Variants in TPD52L1 observed in about 807,000 individuals in gnomAD.
The protein encoded by TPD52L1 is TPD52 like 1.
Under a neutral mutation model 28.7 loss-of-function variants are expected in TPD52L1, and 18 were observed. That is an observed-to-expected ratio of 0.63 (90% CI 0.43 to 0.93). TPD52L1 has a LOEUF of 0.93. TPD52L1 is among the 40% of genes least tolerant of loss of function. TPD52L1 has a pLI of 0.00. For missense variants in TPD52L1, 203 were observed against 254.8 expected (o/e 0.80, Z 1.39); for synonymous variants, 75 against 88.8 (o/e 0.84, Z 0.88).
chr6:125,238,483 G>A (rs963125245), intron 3 of TPD52L1, among the ~76,000 whole-genome samples: 1 of 152,102 alleles, frequency 6.6e-6, no homozygotes, highest in Non-Finnish European at 1.5e-5. Flanking sequence ...TACCCAAGGT[G>A]TAGTCTTTTA....
intron 4 of TPD52L1, chr6:125,251,897 A>G (rs1797290998): frequency 2.2e-6 from 2 of 902,666 alleles, no homozygotes; most frequent in African/African-American, 3.3e-5. Context: ...AGAGTGGTAA[A>G]TGAAGCTACC....
At chr6:125,157,240 G>C (rs1790199255) in intron 1 of TPD52L1, among the ~76,000 whole-genome samples, 1 of 152,210 alleles carries the variant, frequency 6.6e-6, no homozygotes, top group Non-Finnish European at 1.5e-5. Context: ...AGTTGCTGAT[G>C]AGTTGTACCT....
intron 3 of TPD52L1, among the ~76,000 whole-genome samples, chr6:125,231,673 G>A (rs1285969195): frequency 6.6e-6 from 1 of 152,016 alleles, no homozygotes; most frequent in African/African-American, 2.4e-5. Flanking sequence ...TGGACAAGGG[G>A]GATAGAAAGG....
intron 4 of TPD52L1, chr6:125,252,055 C>T (rs931011524): frequency 5.2e-6 from 8 of 1,535,932 alleles, no homozygotes; most frequent in South Asian, 4.8e-5. Context: ...CACAGGGCTG[C>T]GTGTGGGGCT....
chr6:125,252,043 G>T, intron 4 of TPD52L1: 1 of 1,536,018 alleles, frequency 6.5e-7, no homozygotes, highest in Non-Finnish European at 8.7e-7. Flanking sequence ...TCGGGTAAGC[G>T]CCACAGGGCT....
chr6:125,154,841 G>T (rs1033392767), intron 1 of TPD52L1, among the ~76,000 whole-genome samples: 109 of 152,248 alleles, frequency 7.2e-4, no homozygotes, highest in Non-Finnish European at 1.3e-3. Flanking sequence ...GGGATGGCTT[G>T]CGGAGTTCAG....
intron 1 of TPD52L1, among the ~76,000 whole-genome samples, chr6:125,182,269 G>A (rs1031454721): frequency 2.0e-5 from 3 of 152,222 alleles, no homozygotes; most frequent in African/African-American, 7.2e-5. Context: ...AGCATGTAGA[G>A]CCCAGGGAAA....
chr6:125,173,083 T>A (rs1330816966), intron 1 of TPD52L1, among the ~76,000 whole-genome samples: 1 of 152,184 alleles, frequency 6.6e-6, no homozygotes, highest in Non-Finnish European at 1.5e-5. Context: ...AATATTGCAA[T>A]TGAATGTAAC....
chr6:125,173,595 C>T (rs1421029761), intron 1 of TPD52L1, among the ~76,000 whole-genome samples: 1 of 152,200 alleles, frequency 6.6e-6, no homozygotes, highest in South Asian at 2.1e-4. Context: ...GAGATCCTGC[C>T]CAGCTCGTTC....
chr6:125,232,393 G>C (rs1170367159), intron 3 of TPD52L1, among the ~76,000 whole-genome samples: 3 of 152,130 alleles, frequency 2.0e-5, no homozygotes, highest in African/African-American at 7.2e-5. Context: ...GATAAAATCT[G>C]TATCCCTCTG....
At chr6:125,197,856 T>C (rs1582908704) in intron 1 of TPD52L1, among the ~76,000 whole-genome samples, 1 of 151,900 alleles carries the variant, frequency 6.6e-6, no homozygotes. Context: ...TACAACAGGG[T>C]GTGATTAATA....
In TPD52L1 at chr6:125,214,870, C is replaced by A. The variant is rs78604330; in HGVS notation, c.20-5208C>A. 9.3e-3 allele frequency among the ~76,000 whole-genome samples: 1,416 copies of A among 152,242 alleles called. 14 individuals are homozygous for A. Among genetic ancestry groups the A allele is most frequent in the Non-Finnish European group, 0.012 (812 of 68,012 alleles). Reference sequence around the variant, plus strand: ...AACATCATTTAACCTTAGCAACAATCCTACAAGGTATCCATTTTACAGATG... The same window carrying A: ...AACATCATTTAACCTTAGCAACAATACTACAAGGTATCCATTTTACAGATG... On this transcript the variant is annotated intron_variant, in intron 1 of 6. Coordinates refer to ENST00000534000, the MANE Select transcript of TPD52L1 (RefSeq NM_003287.4).
intron 1 of TPD52L1, among the ~76,000 whole-genome samples, chr6:125,180,300 G>C (rs1792102425): frequency 6.6e-6 from 1 of 152,080 alleles, no homozygotes; most frequent in South Asian, 2.1e-4. Flanking sequence ...GGAAGCGAAG[G>C]AAGATAGGAA....
intron 4 of TPD52L1, among the ~76,000 whole-genome samples, chr6:125,250,727 A>G (rs1797215886): frequency 6.6e-6 from 1 of 152,216 alleles, no homozygotes; most frequent in Non-Finnish European, 1.5e-5. Flanking sequence ...TCAAGGTTGT[A>G]TTGACTGCCT....
rs1274264832 is a variant in TPD52L1 at position 125,172,604 on chromosome 6, T to A, written c.19+18634T>A. Among the ~76,000 whole-genome samples the A allele has an allele frequency of 2.2e-3, 274 of 122,996 alleles. 4 individuals are homozygous for A. Among genetic ancestry groups the A allele is most frequent in the African/African-American group, 8.5e-3 (257 of 30,122 alleles). 80.7% of individuals were successfully genotyped at this position (122,996 alleles called of 152,430 possible). On this transcript the variant is annotated intron_variant, in intron 1 of 6. Coordinates refer to ENST00000534000, the MANE Select transcript of TPD52L1 (RefSeq NM_003287.4). Reference sequence around the variant, plus strand: ...AGGTATATATATACAATTATATATATAAATATATATAATTATATATATATA... The same window carrying A: ...AGGTATATATATACAATTATATATAAAAATATATATAATTATATATATATA...
chr6:125,233,119 C>G (rs1221060122), intron 3 of TPD52L1, among the ~76,000 whole-genome samples: 1 of 152,090 alleles, frequency 6.6e-6, no homozygotes, highest in African/African-American at 2.4e-5. Flanking sequence ...ATGAAATCCC[C>G]CCACTAATAA....
At chr6:125,154,073 C>T in intron 1 of TPD52L1, 103 bp downstream of exon 1, 1 of 1,465,582 alleles carries the variant, frequency 6.8e-7, no homozygotes, top group South Asian at 1.3e-5. Context: ...AGATTGGTGC[C>T]GTGTTGCACA....
chr6:125,217,247 G>A (rs1794947901), intron 1 of TPD52L1, among the ~76,000 whole-genome samples: 1 of 152,064 alleles, frequency 6.6e-6, no homozygotes, highest in Non-Finnish European at 1.5e-5. Flanking sequence ...ATGTTTTTGG[G>A]ATGATTCAAG....
intron 3 of TPD52L1, among the ~76,000 whole-genome samples, chr6:125,239,160 G>C (rs1204193217): frequency 6.6e-6 from 1 of 151,972 alleles, no homozygotes; most frequent in Non-Finnish European, 1.5e-5. Flanking sequence ...TTTAAATTAT[G>C]GTCATTTTTG....
Sources: gnomAD v4.1 joint callset for allele counts (sites outside exome capture counted in the v4.1 genomes callset) on GRCh38, gnomAD v4.1.1 for gene constraint, MANE v1.5 for transcripts, NCBI Gene and HGNC (gene_info 2026-07-23, HGNC 2026-07-21) for gene names.